Variants in LAMA2 observed in about 807,000 individuals in gnomAD.
LAMA2 encodes the protein laminin subunit alpha-2.
A neutral mutation model predicts 364.8 loss-of-function variants in LAMA2; 269 were observed. The observed-to-expected ratio is 0.74, with a 90% CI of 0.67 to 0.82. The LOEUF is 0.82. Ranked by LOEUF, LAMA2 falls within the 40% of genes least tolerant of loss-of-function variation. LAMA2 has a pLI of 0.00. For synonymous variants in LAMA2, 1,379 were observed against 1,370.6 expected (o/e 1.01, Z -0.14); for missense variants, 3,807 against 3,873.2 (o/e 0.98, Z 0.45).
At chr6:129,459,268 A>G (rs1783125496) in intron 48 of LAMA2, among the ~76,000 whole-genome samples, 1 of 152,104 alleles carries the variant, frequency 6.6e-6, no homozygotes, top group African/African-American at 2.4e-5. Flanking sequence ...GTAAAAATAC[A>G]GTATTATAAT....
At chr6:129,078,349 G>C (rs1773798365) in intron 3 of LAMA2, among the ~76,000 whole-genome samples, 1 of 151,966 alleles carries the variant, frequency 6.6e-6, no homozygotes, top group East Asian at 1.9e-4. Context: ...TGCCCAGGCT[G>C]GTCTTGAACT....
intron 40 of LAMA2, among the ~76,000 whole-genome samples, chr6:129,425,203 G>A (rs1054527219): frequency 2.4e-4 from 37 of 151,984 alleles, no homozygotes; most frequent in African/African-American, 8.7e-4. Flanking sequence ...TCTCATGGGT[G>A]TACATATTCA....
intron 2 of LAMA2, among the ~76,000 whole-genome samples, chr6:129,053,978 G>A (rs556898837): frequency 1.3e-5 from 2 of 152,148 alleles, no homozygotes; most frequent in Non-Finnish European, 2.9e-5. Context: ...CTCTCTAGAA[G>A]TAAAAACATA....
intron 4 of LAMA2, among the ~76,000 whole-genome samples, chr6:129,128,188 A>G (rs1333588844): frequency 6.6e-6 from 1 of 152,164 alleles, no homozygotes; most frequent in Non-Finnish European, 1.5e-5. Flanking sequence ...GATGTGAAAT[A>G]AGGGGCCAAT....
chr6:129,254,013 A>T (rs895820423), intron 14 of LAMA2, among the ~76,000 whole-genome samples: 1 of 152,224 alleles, frequency 6.6e-6, no homozygotes, highest in African/African-American at 2.4e-5. Context: ...ATGAATCTGG[A>T]GTCAGTCAGT....
intron 42 of LAMA2, 33 bp downstream of exon 42, chr6:129,438,795 T>C: frequency 2.8e-6 from 3 of 1,088,008 alleles, no homozygotes; most frequent in Non-Finnish European, 4.3e-6. Flanking sequence ...ACTGTGTCAG[T>C]TGACCTGAAG....
chr6:129,139,584 T>C (rs1017916937), intron 4 of LAMA2, among the ~76,000 whole-genome samples: 1 of 152,098 alleles, frequency 6.6e-6, no homozygotes, highest in African/African-American at 2.4e-5. Context: ...CAGGAGGTCC[T>C]GGAACCAATC....
At chr6:129,445,041 T>G (rs1782299203) in intron 44 of LAMA2, among the ~76,000 whole-genome samples, 1 of 152,212 alleles carries the variant, frequency 6.6e-6, no homozygotes, top group Non-Finnish European at 1.5e-5. Flanking sequence ...AACAGCTGTT[T>G]AATATAGGTC....
chr6:129,102,403 A>G (rs1403526368), intron 4 of LAMA2, among the ~76,000 whole-genome samples: 4 of 151,880 alleles, frequency 2.6e-5, no homozygotes, highest in Non-Finnish European at 5.9e-5. Flanking sequence ...CCAAAGTGCT[A>G]GGATTACAGG....
intron 8 of LAMA2, 27 bp from the exon 9 acceptor site, chr6:129,165,549 T>C (rs1426349359): frequency 6.7e-7 from 1 of 1,493,604 alleles, no homozygotes; most frequent in South Asian, 1.2e-5. Context: ...TTACACTTCG[T>C]TAAATTCATT....
chr6:129,359,916 A>G (rs1257650561), intron 32 of LAMA2, among the ~76,000 whole-genome samples: 1 of 152,150 alleles, frequency 6.6e-6, no homozygotes, highest in Non-Finnish European at 1.5e-5. Context: ...AAGATCTGTA[A>G]TACTGGCTGC....
chr6:129,445,954 T>C (rs1782350359), intron 45 of LAMA2, 133 bp downstream of exon 45: 5 of 836,794 alleles, frequency 6.0e-6, no homozygotes, highest in Non-Finnish European at 9.7e-6. Context: ...CGATTTGGGG[T>C]AGGAGGGGTT....
intron 44 of LAMA2, among the ~76,000 whole-genome samples, chr6:129,443,351 G>A (rs1165985810): frequency 6.6e-6 from 1 of 152,184 alleles, no homozygotes; most frequent in African/African-American, 2.4e-5. Flanking sequence ...GGGAGGTCAA[G>A]GTGGGAGGAT....
At chr6:129,360,624 C>T (rs1393322883) in intron 32 of LAMA2, among the ~76,000 whole-genome samples, 1 of 152,028 alleles carries the variant, frequency 6.6e-6, no homozygotes, top group Non-Finnish European at 1.5e-5. Context: ...CTTTGTTCCC[C>T]AAAAAGCAAA....
rs542498391 is a variant in LAMA2, at chr6:129,177,768, G to A, written c.1369G>A (p.Ala457Thr). Residue 457 changes from alanine to threonine, a missense_variant, in exon 10 of 65, where the codon GCC becomes ACC. This residue lies in a region of LAMA2 where 3,333 missense variants were observed against 3,345.7 expected (regional missense o/e 1.00). Coordinates refer to ENST00000421865, the MANE Select transcript of LAMA2 (RefSeq NM_000426.4). ...TGGAGGTGTGAGCTGTGATCGGTGT[G>A]CCAGGGGCTACACTGGCTACCCGGA... ...GFGGVSCDRC[A>T]RGYTGYPDCK... The A allele has an allele frequency of 1.4e-5, 22 of 1,613,976 alleles. No homozygotes were observed. The African/African-American group carries it at 2.1e-4, about 16-fold the overall frequency.
chr6:129,339,319 A>G (rs1386575840), intron 29 of LAMA2, among the ~76,000 whole-genome samples: 2 of 152,210 alleles, frequency 1.3e-5, no homozygotes, highest in African/African-American at 2.4e-5. Flanking sequence ...GACCTTGGCA[A>G]TTGAGTGAAT....
chr6:129,173,489 A>G (rs1780356425), intron 9 of LAMA2, among the ~76,000 whole-genome samples: 1 of 152,162 alleles, frequency 6.6e-6, no homozygotes, highest in South Asian at 2.1e-4. Context: ...TCATCCCTAC[A>G]TTCTTCACCA....
intron 22 of LAMA2, among the ~76,000 whole-genome samples, chr6:129,311,214 T>C (rs1409142432): frequency 6.6e-6 from 1 of 151,868 alleles, no homozygotes; most frequent in African/African-American, 2.4e-5. Context: ...CTGCACCTCC[T>C]GGGTTCACGC....
chr6:129,270,865 A>G (rs1328842337), intron 17 of LAMA2, 114 bp downstream of exon 17: 4 of 1,135,320 alleles, frequency 3.5e-6, no homozygotes, highest in Non-Finnish European at 2.6e-6. Context: ...AAACACAGAC[A>G]TGAATTTTTT....
Sources: gnomAD v4.1 joint callset for allele counts (sites outside exome capture counted in the v4.1 genomes callset) on GRCh38, gnomAD v4.1.1 for gene constraint, gnomAD v4.1.1 regional missense constraint, MANE v1.5 for transcripts, NCBI Gene and HGNC (gene_info 2026-07-23, HGNC 2026-07-21) for gene names.